Variants in GPATCH2 observed in about 807,000 individuals in gnomAD.
GPATCH2 encodes the protein G-patch domain containing 2, also known as G patch domain-containing protein 2.
Under a neutral mutation model 58.0 loss-of-function variants are expected in GPATCH2, and 51 were observed. That is an observed-to-expected ratio of 0.88 (90% confidence interval 0.70 to 1.11). The LOEUF (loss-of-function observed/expected upper bound fraction) is 1.11. Among genes scored for constraint, GPATCH2 ranks in the 50% most tolerant of loss-of-function variants. GPATCH2 has a pLI of 0.00. For missense variants in GPATCH2, 625 were observed against 652.2 expected (o/e 0.96, Z 0.45); for synonymous variants, 222 against 218.5 (o/e 1.02, Z -0.14).
chr1:217,448,617 C>T (rs1659505534), intron 9 of GPATCH2, among the ~76,000 whole-genome samples: 4 of 152,332 alleles, frequency 2.6e-5, no homozygotes, highest in African/African-American at 9.6e-5. Context: ...CCTGTCCTCT[C>T]CGATCTACAG....
At chr1:217,599,571 CTT>C (rs1035657008) in intron 5 of GPATCH2, among the ~76,000 whole-genome samples, 111 of 152,278 alleles carry the variant, frequency 7.3e-4, no homozygotes, top group African/African-American at 2.6e-3. Context: ...TGTTAGGTCT[CTT>C]TCTTTGCTCC....
chr1:217,528,314 CACAA>C (rs1420256914), intron 5 of GPATCH2, among the ~76,000 whole-genome samples: 1 of 152,158 alleles, frequency 6.6e-6, no homozygotes, highest in Non-Finnish European at 1.5e-5. Flanking sequence ...ACTAAAAAGA[CACAA>C]ACAAGATAAC....
chr1:217,562,546 G>A (rs1046352411), intron 5 of GPATCH2, among the ~76,000 whole-genome samples: 6 of 152,134 alleles, frequency 3.9e-5, no homozygotes, highest in African/African-American at 1.4e-4. Context: ...TAACAAAGAC[G>A]AGGGCAACAA....
At chr1:217,545,479 C>T (rs150986553) in intron 5 of GPATCH2, among the ~76,000 whole-genome samples, 2,745 of 152,232 alleles carry the variant, frequency 0.018, 40 homozygotes, top group Middle Eastern at 0.088. Context: ...TTACTTTTCT[C>T]CCACAGAAAG....
chr1:217,516,724 C>A (rs545951727), intron 5 of GPATCH2, among the ~76,000 whole-genome samples: 15 of 152,280 alleles, frequency 9.9e-5, no homozygotes, highest in South Asian at 2.1e-4. Context: ...TGCTGACAAC[C>A]TTTTCCACAC....
intron 5 of GPATCH2, among the ~76,000 whole-genome samples, chr1:217,534,276 C>T (rs779359905): frequency 3.3e-5 from 5 of 152,062 alleles, no homozygotes; most frequent in Admixed American, 6.6e-5. Context: ...TAATTGCTCT[C>T]TCCTATAAAA....
rs1665920957 is a variant in GPATCH2, at chr1:217,561,456, C to T, written c.1099-46567G>A. ...CAAGCAGCGAGAAGATGTATGATGA[C>T]GTTTGTCATCGAGGTGTGTGTGTGT... On this transcript the variant is annotated intron_variant, in intron 5 of 9. Coordinates refer to ENST00000366935, the MANE Select transcript of GPATCH2 (RefSeq NM_018040.5). Among the ~76,000 whole-genome samples the T allele has an allele frequency of 1.3e-5, 2 of 152,164 alleles. 1 individual carries two copies. Among genetic ancestry groups the T allele is most frequent in the African/African-American group, 4.8e-5 (2 of 41,446 alleles).
intron 6 of GPATCH2, among the ~76,000 whole-genome samples, chr1:217,510,396 C>A (rs554681343): frequency 2.2e-4 from 34 of 151,536 alleles, no homozygotes; most frequent in Non-Finnish European, 4.7e-4. Flanking sequence ...AACCAGGATG[C>A]ACATTTCTTT....
intron 5 of GPATCH2, among the ~76,000 whole-genome samples, chr1:217,515,584 T>C (rs1411036161): frequency 6.6e-6 from 1 of 152,024 alleles, no homozygotes. Context: ...GGCACACGTC[T>C]GTAATCCCAG....
chr1:217,563,725 C>T (rs1666046489), intron 5 of GPATCH2, among the ~76,000 whole-genome samples: 1 of 152,048 alleles, frequency 6.6e-6, no homozygotes, highest in African/African-American at 2.4e-5. Flanking sequence ...ATAGACACGT[C>T]AGAAGAATGA....
intron 6 of GPATCH2, among the ~76,000 whole-genome samples, chr1:217,508,421 T>A (rs1662666198): frequency 6.6e-6 from 1 of 152,150 alleles, no homozygotes. Flanking sequence ...TTAAAATAAG[T>A]TTGATTTACA....
intron 5 of GPATCH2, among the ~76,000 whole-genome samples, chr1:217,530,687 A>T (rs1184581802): frequency 6.6e-6 from 1 of 152,212 alleles, no homozygotes; most frequent in Non-Finnish European, 1.5e-5. Flanking sequence ...TCAGAAGTGC[A>T]GATACATATT....
intron 7 of GPATCH2, among the ~76,000 whole-genome samples, chr1:217,495,650 G>A (rs889761847): frequency 1.1e-4 from 16 of 151,930 alleles, no homozygotes; most frequent in African/African-American, 3.1e-4. Flanking sequence ...TTTCTCTTTC[G>A]TGGCCTTCAT....
intron 5 of GPATCH2, among the ~76,000 whole-genome samples, chr1:217,553,891 G>T (rs527360058): frequency 6.6e-6 from 1 of 152,262 alleles, no homozygotes; most frequent in South Asian, 2.1e-4. Flanking sequence ...AACCAAGAGA[G>T]AACCAAACAG....
chr1:217,609,772 C>A, intron 5 of GPATCH2: 6 of 960,616 alleles, frequency 6.2e-6, no homozygotes, highest in Non-Finnish European at 6.2e-6. Context: ...AAAATTAATT[C>A]TTAATCAGTC....
At chr1:217,622,692 C>T (rs1301410759) in intron 1 of GPATCH2, among the ~76,000 whole-genome samples, 5 of 152,178 alleles carry the variant, frequency 3.3e-5, no homozygotes, top group Admixed American at 6.5e-5. Context: ...TACAGGCGCA[C>T]GCCACCATGC....
intron 6 of GPATCH2, among the ~76,000 whole-genome samples, chr1:217,499,109 C>A (rs1187854495): frequency 2.0e-5 from 3 of 152,076 alleles, no homozygotes; most frequent in Non-Finnish European, 4.4e-5. Flanking sequence ...AGTCCTCTGG[C>A]ATTATTCTGC....
chr1:217,554,781 T>C (rs149908601), intron 5 of GPATCH2, among the ~76,000 whole-genome samples: 33 of 152,362 alleles, frequency 2.2e-4, no homozygotes, highest in African/African-American at 7.7e-4. Flanking sequence ...TAGATGAGTT[T>C]GACTTAGGGA....
chr1:217,473,418 T>A (rs936595842), intron 8 of GPATCH2, among the ~76,000 whole-genome samples: 17 of 151,956 alleles, frequency 1.1e-4, no homozygotes, highest in South Asian at 2.1e-4. Flanking sequence ...GTAGTTTTTT[T>A]AAAAAAATAA....
Sources: allele counts gnomAD v4.1 joint callset (sites outside exome capture counted in the v4.1 genomes callset), GRCh38; gene constraint gnomAD v4.1.1; transcripts MANE v1.5; gene names NCBI Gene and HGNC (gene_info 2026-07-23, HGNC 2026-07-21).